Variants in SGPP1 observed in about 807,000 individuals in gnomAD.
The protein encoded by SGPP1 is sphingosine-1-phosphate phosphatase 1, also known as hSPP1.
A neutral mutation model predicts 33.0 loss-of-function variants in SGPP1; 21 were observed. The observed-to-expected ratio is 0.64, with a 90% CI of 0.45 to 0.92. SGPP1 has a LOEUF of 0.92. Ranked by LOEUF, SGPP1 falls within the 40% of genes least tolerant of loss-of-function variation. The pLI is 0.00. For synonymous variants in SGPP1, 239 were observed against 241.2 expected (o/e 0.99, Z 0.08); for missense variants, 543 against 589.4 (o/e 0.92, Z 0.81).
chr14:63,697,854 G>A (rs186624344), intron 2 of SGPP1, among the ~76,000 whole-genome samples: 5 of 152,316 alleles, frequency 3.3e-5, no homozygotes, highest in African/African-American at 7.2e-5. Flanking sequence ...GTATAGCATC[G>A]TATTTGTGTT....
chr14:63,686,827 T>C (rs1884991453), intron 2 of SGPP1, among the ~76,000 whole-genome samples, 171 bp from the exon 3 acceptor site: 1 of 152,186 alleles, frequency 6.6e-6, no homozygotes. Context: ...CTAAAAGCTG[T>C]ATTAATAATA....
intron 1 of SGPP1, among the ~76,000 whole-genome samples, chr14:63,713,986 CAGA>C (rs1340839349): frequency 6.6e-6 from 1 of 152,132 alleles, no homozygotes; most frequent in Non-Finnish European, 1.5e-5. Flanking sequence ...AGAACATATC[CAGA>C]AGGTTAACTG....
intron 1 of SGPP1, among the ~76,000 whole-genome samples, chr14:63,712,023 C>CCA (rs1595069421): frequency 6.9e-6 from 1 of 144,874 alleles, no homozygotes; most frequent in African/African-American, 2.6e-5. Flanking sequence ...GAGCAAGACT[C>CCA]CATCTCAAAA....
intron 1 of SGPP1, among the ~76,000 whole-genome samples, chr14:63,722,309 G>C (rs1223703291): frequency 6.6e-6 from 1 of 150,966 alleles, no homozygotes; most frequent in Non-Finnish European, 1.5e-5. Flanking sequence ...CAGATCACAA[G>C]GTCAGGAGTT....
intron 2 of SGPP1, among the ~76,000 whole-genome samples, chr14:63,687,404 C>T (rs143886701): frequency 0.023 from 3,454 of 152,272 alleles, 58 homozygotes; most frequent in Middle Eastern, 0.075. Flanking sequence ...CATGCCATTG[C>T]ACTCCAGCCC....
intron 2 of SGPP1, among the ~76,000 whole-genome samples, chr14:63,687,905 G>A (rs1885012685): frequency 6.6e-6 from 1 of 152,124 alleles, no homozygotes; most frequent in Non-Finnish European, 1.5e-5. Flanking sequence ...TGGATCACCT[G>A]AGGTCAAGAG....
chr14:63,688,782 C>T (rs1002139993), intron 2 of SGPP1, among the ~76,000 whole-genome samples: 1 of 148,180 alleles, frequency 6.7e-6, no homozygotes, highest in East Asian at 2.0e-4. Context: ...AATGCAGTGG[C>T]GTGATCTCAG....
intron 2 of SGPP1, 75 bp from the exon 3 acceptor site, chr14:63,686,731 G>A: frequency 9.2e-7 from 1 of 1,087,066 alleles, no homozygotes; most frequent in Non-Finnish European, 1.3e-6. Context: ...ATTTATATTT[G>A]ACATTTCAAA....
intron 1 of SGPP1, among the ~76,000 whole-genome samples, chr14:63,704,125 C>A (rs764763262): frequency 1.3e-5 from 2 of 152,104 alleles, no homozygotes; most frequent in Non-Finnish European, 2.9e-5. Flanking sequence ...CCATGCCCAG[C>A]CCTTCTGTCA....
chr14:63,705,697 A>G (rs1885396715), intron 1 of SGPP1, among the ~76,000 whole-genome samples: 1 of 152,130 alleles, frequency 6.6e-6, no homozygotes, highest in Admixed American at 6.6e-5. Flanking sequence ...TGAAAAATGA[A>G]AATCAAAATC....
Position 63,727,909 on chromosome 14 carries a change from G to C in SGPP1, c.36C>G (p.Gly12=), listed in dbSNP as rs1350469102. ...SLRQRLAQLV[G]RLQDPQKVAR... is the part of the protein sequence containing the mutation. ...CCACTTTCTGCGGGTCCTGCAGACG[G>C]CCAACCAGCTGGGCCAGGCGCTGCC... The change falls in exon 1 of 3, where the codon GGC becomes GGG. Residue 12 remains glycine, a synonymous_variant. Transcript: ENST00000247225. The C allele has an allele frequency of 6.5e-7, 1 of 1,542,778 alleles. No individual in the cohort carries two copies. The highest frequency in any genetic ancestry group is 8.7e-7 in the Non-Finnish European group (1 of 1,153,186).
At chr14:63,724,748 AT>A (rs1885843856) in intron 1 of SGPP1, among the ~76,000 whole-genome samples, 1 of 148,690 alleles carries the variant, frequency 6.7e-6, no homozygotes, top group African/African-American at 2.5e-5. Context: ...AATTTTTTGT[AT>A]TTTTTAGTAG....
intron 2 of SGPP1, among the ~76,000 whole-genome samples, chr14:63,687,391 G>C (rs1462935117): frequency 6.6e-6 from 1 of 152,194 alleles, no homozygotes; most frequent in Non-Finnish European, 1.5e-5. Flanking sequence ...AGTGAGCCAA[G>C]ATCATGCCAT....
chr14:63,693,163 G>A (rs1885120359), intron 2 of SGPP1, among the ~76,000 whole-genome samples: 1 of 152,174 alleles, frequency 6.6e-6, no homozygotes, highest in Non-Finnish European at 1.5e-5. Flanking sequence ...GATATCCTGG[G>A]CTCAAGTGAT....
chr14:63,718,987 T>C (rs1428575921), intron 1 of SGPP1, among the ~76,000 whole-genome samples: 3 of 16,060 alleles, frequency 1.9e-4, no homozygotes, highest in East Asian at 1.4e-3. Flanking sequence ...CATATATATA[T>C]ATATATATAT....
intron 1 of SGPP1, among the ~76,000 whole-genome samples, chr14:63,718,993 T>TAC (rs1885694936): frequency 1.0e-4 from 2 of 19,748 alleles, no homozygotes; most frequent in African/African-American, 2.5e-4. Flanking sequence ...TATATATATA[T>TAC]ATATATATAT....
rs1405329418 is a variant in SGPP1 at position 63,684,600 on chromosome 14, A to T, written c.*1505T>A. On this transcript the variant is annotated 3_prime_UTR_variant, in exon 3 of 3. Coordinates refer to ENST00000247225, the MANE Select transcript of SGPP1 (RefSeq NM_030791.4). ...ATGAGCTCAAATAGTTATGGTGCCCAAAATAGAAACATCTGAAGTGATAGT... is the reference window on the plus strand; with the variant it reads ...ATGAGCTCAAATAGTTATGGTGCCCTAAATAGAAACATCTGAAGTGATAGT... 1.3e-5 allele frequency: 2 copies of T among 152,528 alleles called. No homozygotes were observed. The highest frequency in any genetic ancestry group is 2.9e-5 in the Non-Finnish European group (2 of 67,930). The allele number at this position is 152,528 out of a possible 1,614,324, so 9.4% of individuals were successfully genotyped here.
chr14:63,712,217 C>G (rs1201985416), intron 1 of SGPP1, among the ~76,000 whole-genome samples: 1 of 151,978 alleles, frequency 6.6e-6, no homozygotes, highest in Non-Finnish European at 1.5e-5. Context: ...TCTAAGTCTT[C>G]TATAAATTTC....
chr14:63,724,921 G>A lies in SGPP1; in HGVS notation c.684+2340C>T, dbSNP rs574769680. On this transcript the variant is annotated intron_variant, in intron 1 of 2. Coordinates refer to ENST00000247225, the MANE Select transcript of SGPP1 (RefSeq NM_030791.4). ...AAAAGCTGGCACTTGGGAGGCCAAGGAGGGAGGATAACTTGAGCCCAGGAG... is the reference window on the plus strand; with the variant it reads ...AAAAGCTGGCACTTGGGAGGCCAAGAAGGGAGGATAACTTGAGCCCAGGAG... 2.0e-5 allele frequency among the ~76,000 whole-genome samples: 3 copies of A among 151,374 alleles called. No individual in the cohort carries two copies. In the South Asian group the frequency reaches 6.2e-4, roughly 32 times the overall value.
Sources: allele counts gnomAD v4.1 joint callset (sites outside exome capture counted in the v4.1 genomes callset), GRCh38; gene constraint gnomAD v4.1.1; transcripts MANE v1.5; gene names NCBI Gene and HGNC (gene_info 2026-07-23, HGNC 2026-07-21).